FA2H: variants seen among roughly 807,000 people sequenced by gnomAD.
FA2H encodes the protein fatty acid 2-hydroxylase.
In FA2H, 22 loss-of-function variants were observed where a neutral mutation model predicts 44.9. The observed-to-expected ratio is 0.49, with a 90% CI of 0.35 to 0.70. FA2H has a LOEUF of 0.70. Among genes scored for constraint, FA2H ranks in the 30% least tolerant of loss-of-function variants. The probability of loss-of-function intolerance (pLI) is 0.01; values close to 1 mark genes in which losing one functional copy is unlikely to be tolerated. For missense variants in FA2H, 501 were observed against 504.9 expected, an observed-to-expected ratio of 0.99 and a Z score of 0.07; for synonymous variants, 243 against 213.2, an observed-to-expected ratio of 1.14 and a Z score of -1.22.
At chr16:74,748,625 C>T (rs943400518) in intron 1 of FA2H, among the ~76,000 whole-genome samples, 2 of 152,146 alleles carry the variant, frequency 1.3e-5, no homozygotes, top group East Asian at 1.9e-4. Context: ...CTCCAGGGTC[C>T]CAGACCCTGT....
rs1200585914 is a variant in FA2H at position 74,713,884 on chromosome 16, C to T, written c.*306G>A. On this transcript the variant is annotated 3_prime_UTR_variant, in exon 7 of 7. Coordinates refer to ENST00000219368, the MANE Select transcript of FA2H (RefSeq NM_024306.5). ...GAGGGCTCAGTTTTCTTCATTTCCC[C>T]TTGCGGCTGCTACCTGTGGCCACGG... 5 of 389,656 alleles carry T rather than the reference C, an allele frequency of 1.3e-5. No individual in the cohort carries two copies. Among genetic ancestry groups the T allele is most frequent in the Non-Finnish European group, 2.4e-5 (5 of 209,874 alleles). The allele number at this position is 389,656 out of a possible 1,614,324, so 24.1% of individuals were successfully genotyped here. A position where few individuals can be genotyped will look rare whatever the true frequency, so the allele number is the denominator to read the frequency against.
intron 1 of FA2H, among the ~76,000 whole-genome samples, chr16:74,751,428 C>G (rs558608961): frequency 6.6e-6 from 1 of 152,142 alleles, no homozygotes; most frequent in East Asian, 1.9e-4. Context: ...GCAAAGTCTA[C>G]GCAGTGAGTC....
At chr16:74,763,025 G>A (rs1412912756) in intron 1 of FA2H, among the ~76,000 whole-genome samples, 2 of 152,162 alleles carry the variant, frequency 1.3e-5, no homozygotes, top group Non-Finnish European at 2.9e-5. Context: ...TCCCTGTTTG[G>A]GGGCAACACA....
intron 1 of FA2H, among the ~76,000 whole-genome samples, chr16:74,764,912 C>T (rs1361827507): frequency 6.6e-6 from 1 of 152,142 alleles, no homozygotes; most frequent in Non-Finnish European, 1.5e-5. Context: ...CTGGGGGGGT[C>T]TTAACCCTGA....
Position 74,716,583 on chromosome 16 carries a change from G to C in FA2H, c.803C>G (p.Ser268Cys). The C allele has an allele frequency of 1.9e-6, 3 of 1,573,746 alleles. 1 individual carries two copies. The highest frequency in any genetic ancestry group is 2.3e-5 in the South Asian group (2 of 86,946). Residue 268 changes from serine (S) to cysteine (C), a missense_variant, in exon 6 of 7, where the codon TCC becomes TGC. Physicochemically the swap from Ser to Cys is moderately radical, Grantham distance 112. Transcript: ENST00000219368. ...TGGCACAGGGGGGAAGACCAGGCGG[G>C]AGCCGTCGAAGGGTGCCTGCAGATG... is the stretch of plus-strand genomic sequence containing the variant. ...GQHHKAPFDGSRLVFPPVPAS... is the reference protein window; with the variant it reads ...GQHHKAPFDGCRLVFPPVPAS...
chr16:74,746,158 A>G (rs541294013), intron 1 of FA2H, among the ~76,000 whole-genome samples: 1 of 152,084 alleles, frequency 6.6e-6, no homozygotes, highest in Non-Finnish European at 1.5e-5. Flanking sequence ...ACAGTGAAAT[A>G]GAGGGGCCAC....
chr16:74,746,939 G>A (rs759712128), intron 1 of FA2H, among the ~76,000 whole-genome samples: 6 of 152,198 alleles, frequency 3.9e-5, no homozygotes, highest in Non-Finnish European at 8.8e-5. Flanking sequence ...CTGGTTTCTA[G>A]AGGAAGCAGC....
chr16:74,752,512 G>C (rs1333019353), intron 1 of FA2H, among the ~76,000 whole-genome samples: 1 of 152,074 alleles, frequency 6.6e-6, no homozygotes, highest in Non-Finnish European at 1.5e-5. Context: ...CCTCTGCCTG[G>C]AATGTTTCTG....
At chr16:74,755,560 T>G (rs941271400) in intron 1 of FA2H, among the ~76,000 whole-genome samples, 2 of 152,234 alleles carry the variant, frequency 1.3e-5, no homozygotes, top group Non-Finnish European at 2.9e-5. Context: ...TATTTTATTT[T>G]TCTACTCATT....
intron 2 of FA2H, among the ~76,000 whole-genome samples, chr16:74,738,031 C>G (rs2144631349): frequency 6.6e-6 from 1 of 152,336 alleles, no homozygotes; most frequent in South Asian, 2.1e-4. Context: ...AAAGCACCCT[C>G]TGCCCTCCTG....
chr16:74,774,561 C>A lies in FA2H; in HGVS notation c.195G>T (p.Pro65=). Residue 65 remains proline, a synonymous_variant, in exon 1 of 7, where the codon CCG becomes CCT. Coordinates refer to ENST00000219368, the MANE Select transcript of FA2H (RefSeq NM_024306.5). Reference sequence around the variant, plus strand: ...GCGCGTTGGCCGAGTGCCTGTGCGGCGGCCCGTCCAGGTCGGCGCTGATGT... The same window carrying A: ...GCGCGTTGGCCGAGTGCCTGTGCGGAGGCCCGTCCAGGTCGGCGCTGATGT... ...GQDISADLDG[P]PHRHSANARR... The A allele has an allele frequency of 1.9e-6, 3 of 1,541,956 alleles. No individual in the cohort carries two copies. Among genetic ancestry groups the A allele is most frequent in the Admixed American group, 1.9e-5 (1 of 52,210 alleles).
Position 74,713,858 on chromosome 16 carries a change from C to T in FA2H, c.*332G>A, listed in dbSNP as rs1299450033. ...GGCACAAGGGTGACACAGGTGGCCA[C>T]GAGGGCTCAGTTTTCTTCATTTCCC... On this transcript the variant is annotated 3_prime_UTR_variant, in exon 7 of 7. Coordinates refer to ENST00000219368, the MANE Select transcript of FA2H (RefSeq NM_024306.5). 3 of 329,704 alleles carry T rather than the reference C, an allele frequency of 9.1e-6. No individual in the cohort carries two copies. The highest frequency in any genetic ancestry group is 5.9e-5 in the East Asian group (1 of 16,854). The allele number at this position is 329,704 out of a possible 1,614,324, so 20.4% of individuals were successfully genotyped here. A position where few individuals can be genotyped will look rare whatever the true frequency, so the allele number is the denominator to read the frequency against.
In FA2H at chr16:74,732,131, G is replaced by A. The variant is rs553303912; in HGVS notation, c.364-4745C>T. ...GCTCCTGGGCTCAAGTGATCCTCCC[G>A]CCTCAGCCTCCCAAAGTGCTGGGCT... On this transcript the variant is annotated intron_variant, in intron 2 of 6. Coordinates refer to ENST00000219368, the MANE Select transcript of FA2H (RefSeq NM_024306.5). Among the ~76,000 whole-genome samples, 409 of 152,256 alleles carry A rather than the reference G, an allele frequency of 2.7e-3. 3 individuals are homozygous for A. The highest frequency in any genetic ancestry group is 8.5e-4 in the Non-Finnish European group (58 of 68,012).
At chr16:74,740,847 C>T (rs898529246) in intron 1 of FA2H, among the ~76,000 whole-genome samples, 3 of 151,996 alleles carry the variant, frequency 2.0e-5, no homozygotes, top group African/African-American at 4.8e-5. Flanking sequence ...GCGCCCAGGG[C>T]ACCTGGTGGG....
intron 4 of FA2H, 70 bp from the exon 5 acceptor site, chr16:74,719,230 C>G: frequency 7.2e-7 from 1 of 1,394,266 alleles, no homozygotes; most frequent in Non-Finnish European, 1.0e-6. Context: ...GTGTCCCTGC[C>G]TCACCATCCC....
At chr16:74,753,941 G>A (rs11642828) in intron 1 of FA2H, among the ~76,000 whole-genome samples, 29,188 of 152,122 alleles carry the variant, frequency 0.19, 3,307 homozygotes, top group East Asian at 0.25. Flanking sequence ...AGTTACACAC[G>A]GATTTTTTTC....
chr16:74,735,975 C>A (rs565881192), intron 2 of FA2H, among the ~76,000 whole-genome samples: 4 of 152,194 alleles, frequency 2.6e-5, no homozygotes, highest in East Asian at 3.9e-4. Context: ...AGAGTGAGAA[C>A]CTGTCTCTAA....
At chr16:74,765,186 C>T (rs1045716224) in intron 1 of FA2H, among the ~76,000 whole-genome samples, 1 of 149,944 alleles carries the variant, frequency 6.7e-6, no homozygotes, top group South Asian at 2.1e-4. Flanking sequence ...TACAAAGTCT[C>T]GCTCTTGTCC....
chr16:74,721,506 C>A (rs1408678004), intron 4 of FA2H, among the ~76,000 whole-genome samples: 1 of 152,092 alleles, frequency 6.6e-6, no homozygotes, highest in Non-Finnish European at 1.5e-5. Context: ...TCTCCCTCAC[C>A]TGCACCCATG....
Sources: gnomAD v4.1 joint callset for allele counts (sites outside exome capture counted in the v4.1 genomes callset) on GRCh38, gnomAD v4.1.1 for gene constraint, MANE v1.5 for transcripts, NCBI Gene and HGNC (gene_info 2026-07-23, HGNC 2026-07-21) for gene names.